The following HTT variants were observed in gnomAD, a reference collection of about 807,000 sequenced individuals.
HTT encodes huntington disease protein.
A neutral mutation model predicts 362.3 loss-of-function variants in HTT; 104 were observed. The observed-to-expected ratio is 0.29, with a 90% CI of 0.24 to 0.34. The LOEUF (loss-of-function observed/expected upper bound fraction) is 0.34, where lower values mean the gene tolerates loss of function less well. Among genes scored for constraint, HTT ranks in the 10% least tolerant of loss-of-function variants. The probability of loss-of-function intolerance (pLI) is 1.00; values close to 1 mark genes in which losing one functional copy is unlikely to be tolerated. For synonymous variants in HTT, 1,577 were observed against 1,548.7 expected (o/e 1.02, Z -0.43); for missense variants, 3,301 against 3,928.6 (o/e 0.84, Z 4.27).
At chr4:3,137,290 T>G (rs1578527624) in intron 21 of HTT, among the ~76,000 whole-genome samples, 1 of 152,240 alleles carries the variant, frequency 6.6e-6, no homozygotes, top group Non-Finnish European at 1.5e-5. Context: ...TTTGAGTGTA[T>G]AGTAAACTCC....
In HTT at chr4:3,115,377, C is replaced by T. The variant is rs1310984579; in HGVS notation, c.821C>T (p.Ala274Val). The change falls in exon 7 of 67, where the codon GCA (alanine) becomes GTA (valine). Residue 274 changes from alanine (A) to valine (V), a missense_variant. Around this residue, in one of 4 missense-constraint regions of HTT, gnomAD observed 2,316 missense variants for 2,658.5 expected, o/e 0.87. Transcript: ENST00000355072. ...ATTCGGCGGACAGCGGCTGGATCAG[C>T]AGTGAGCATCTGCCAGCACTCAAGA... ...PTIRRTAAGS[A>V]VSICQHSRRT... 5 of 1,613,728 alleles carry T rather than the reference C, an allele frequency of 3.1e-6. No individual in the cohort carries two copies. Among genetic ancestry groups the T allele is most frequent in the Non-Finnish European group, 3.4e-6 (4 of 1,179,708 alleles).
chr4:3,205,566 A>G (rs1399934610), intron 42 of HTT, among the ~76,000 whole-genome samples: 1 of 152,226 alleles, frequency 6.6e-6, no homozygotes, highest in African/African-American at 2.4e-5. Flanking sequence ...ATAAAGTTTG[A>G]TCATCCCAAA....
chr4:3,238,427 A>T lies in HTT; in HGVS notation c.8892-20A>T, dbSNP rs779969719. On this transcript the variant is annotated intron_variant, in intron 64 of 66. Coordinates refer to ENST00000355072, the MANE Select transcript of HTT (RefSeq NM_001388492.1). ...CTGTGGGAGCTGGTGCCAGTCTCTG[A>T]CCTGCGTCCCTCCTCCCAGGATCAG... 69 of 1,594,058 alleles carry T rather than the reference A, an allele frequency of 4.3e-5. No individual in the cohort carries two copies. The highest frequency in any genetic ancestry group is 5.7e-5 in the Non-Finnish European group (67 of 1,168,236).
At chr4:3,174,478 T>C (rs1180393362) in intron 31 of HTT, among the ~76,000 whole-genome samples, 1 of 152,184 alleles carries the variant, frequency 6.6e-6, no homozygotes, top group Admixed American at 6.5e-5. Flanking sequence ...AGCTCAGACT[T>C]GAGTAGCCTT....
intron 6 of HTT, among the ~76,000 whole-genome samples, chr4:3,108,952 A>C (rs1340310085): frequency 6.6e-6 from 1 of 152,006 alleles, no homozygotes; most frequent in Non-Finnish European, 1.5e-5. Flanking sequence ...GGAGGCTGAG[A>C]CAGGAGGCTC....
chr4:3,208,697 T>C, intron 45 of HTT, 76 bp from the exon 46 acceptor site: 2 of 1,338,702 alleles, frequency 1.5e-6, no homozygotes, highest in South Asian at 1.5e-5. Context: ...AGAATCCTAG[T>C]GTGCAGAGTT....
chr4:3,180,984 C>T (rs558455759), intron 36 of HTT, among the ~76,000 whole-genome samples: 2 of 151,662 alleles, frequency 1.3e-5, no homozygotes, highest in African/African-American at 4.8e-5. Flanking sequence ...TTAAGCAATT[C>T]TCCTGCCTCC....
rs925357780 is a variant in HTT, at chr4:3,201,529, CAAAAAAAAAA to C, written c.5576+1605_5576+1614del. 2.4e-4 allele frequency among the ~76,000 whole-genome samples: 15 copies of C among 61,690 alleles called. No homozygotes were observed. In the South Asian group the frequency reaches 5.3e-3, roughly 22 times the overall value. 40.5% of individuals were successfully genotyped at this position (61,690 alleles called of 152,430 possible). On this transcript the variant is annotated intron_variant, in intron 41 of 66. Coordinates refer to ENST00000355072, the MANE Select transcript of HTT (RefSeq NM_001388492.1). ...TGGGTGACAGAGTGAGACTCCATCTCAAAAAAAAAAAAAAAAAAAAAAAATTAATGGATCA... is the reference window on the plus strand; with the variant it reads ...TGGGTGACAGAGTGAGACTCCATCTCAAAAAAAAAAAAAATTAATGGATCA...
chr4:3,161,212 G>A (rs1717424799), intron 29 of HTT, among the ~76,000 whole-genome samples: 1 of 152,094 alleles, frequency 6.6e-6, no homozygotes, highest in Non-Finnish European at 1.5e-5. Flanking sequence ...GAGAATGATG[G>A]TTTCCAGCAT....
Position 3,136,279 on chromosome 4 carries a change from A to C in HTT, c.2751A>C (p.Gly917=). The change falls in exon 21 of 67, where the codon GGA becomes GGC. Residue 917 remains glycine (G), a synonymous_variant. Coordinates refer to ENST00000355072, the MANE Select transcript of HTT (RefSeq NM_001388492.1). The part of the protein sequence containing the change: ...VLNNVVIHLL[G]DEDPRVRHVA... ...ATAATGTTGTCATCCATTTGCTTGG[A>C]GATGAAGACCCCAGGGTGCGACATG... 3.7e-6 allele frequency: 6 copies of C among 1,612,564 alleles called. No homozygotes were observed. The highest frequency in any genetic ancestry group is 5.1e-6 in the Non-Finnish European group (6 of 1,178,656).
intron 18 of HTT, 26 bp from the exon 19 acceptor site, chr4:3,134,375 C>T: frequency 6.2e-7 from 1 of 1,606,880 alleles, no homozygotes; most frequent in Non-Finnish European, 8.5e-7. Flanking sequence ...ACCTGCTGTC[C>T]TCTTGCCTTG....
intron 5 of HTT, among the ~76,000 whole-genome samples, chr4:3,105,662 T>G (rs1050355363): frequency 1.3e-5 from 2 of 152,238 alleles, no homozygotes; most frequent in African/African-American, 4.8e-5. Context: ...CGCAAGAGAC[T>G]TATGGGATGT....
intron 28 of HTT, 87 bp downstream of exon 28, chr4:3,157,286 A>T (rs201304781): frequency 1.6e-6 from 2 of 1,267,952 alleles, no homozygotes; most frequent in African/African-American, 3.0e-5. Context: ...GATTTGTAGG[A>T]TGTATAAGCC....
chr4:3,230,430 A>G (rs1721195862), intron 60 of HTT, among the ~76,000 whole-genome samples: 1 of 151,974 alleles, frequency 6.6e-6, no homozygotes, highest in Non-Finnish European at 1.5e-5. Flanking sequence ...TCCCCTTCTC[A>G]GTTATGTTCC....
In HTT at chr4:3,179,823, C is replaced by T. The variant is rs977028942; in HGVS notation, c.4613-692C>T. On this transcript the variant is annotated intron_variant, in intron 35 of 66. Coordinates refer to ENST00000355072, the MANE Select transcript of HTT (RefSeq NM_001388492.1). ...CTCTGTGTGTGTGCTCATGTGTGAG[C>T]GTATGTGTCACTGAGGGGGTCAGAG... is the stretch of plus-strand genomic sequence containing the variant. Among the ~76,000 whole-genome samples the T allele has an allele frequency of 2.5e-4, 34 of 133,700 alleles. 1 individual carries two copies. Among genetic ancestry groups the T allele is most frequent in the Non-Finnish European group, 2.0e-4 (13 of 64,238 alleles). The allele number at this position is 133,700 out of a possible 152,430, so 87.7% of individuals were successfully genotyped here.
Position 3,212,086 on chromosome 4 carries a change from A to G in HTT, c.6572A>G (p.Gln2191Arg), listed in dbSNP as rs1455250476. The change falls in exon 48 of 67, where the codon CAG becomes CGG. Residue 2191 changes from glutamine to arginine, a missense_variant. Physicochemically the swap from Gln to Arg is conservative, Grantham distance 43 (BLOSUM62 1). This residue lies in a region of HTT where 220 missense variants were observed against 218.5 expected (regional missense o/e 1.01). Transcript: ENST00000355072. ...CTCCCTGCTGTCCATCATGTCTTCC[A>G]GCCCGAGCTGCCTGCAGAGCCGGCG... Reference protein sequence around the residue: ...QQLPAVHHVFQPELPAEPAAY... With the variant: ...QQLPAVHHVFRPELPAEPAAY... The G allele has an allele frequency of 1.2e-6, 2 of 1,614,152 alleles. No individual in the cohort carries two copies. Among genetic ancestry groups the G allele is most frequent in the Non-Finnish European group, 1.7e-6 (2 of 1,179,958 alleles).
intron 23 of HTT, 34 bp downstream of exon 23, chr4:3,142,920 TGTAATA>T: frequency 6.3e-7 from 1 of 1,596,254 alleles, no homozygotes; most frequent in Non-Finnish European, 8.6e-7. Context: ...TTACTGACAT[TGTAATA>T]GTTTTTGGTA....
intron 2 of HTT, among the ~76,000 whole-genome samples, chr4:3,093,906 T>G (rs13103111): frequency 2.0e-4 from 1 of 5,122 alleles, no homozygotes. Flanking sequence ...TTTAAGTTGG[T>G]TTTTTTTTTT....
At chr4:3,238,420 GTC>G in intron 64 of HTT, 25 bp from the exon 65 acceptor site, 1 of 1,582,266 alleles carries the variant, frequency 6.3e-7, no homozygotes. Context: ...GCTGGTGCCA[GTC>G]TCTGACCTGC....
Sources: allele counts gnomAD v4.1 joint callset (sites outside exome capture counted in the v4.1 genomes callset), GRCh38; gene constraint gnomAD v4.1.1; regional missense constraint gnomAD v4.1.1; transcripts MANE v1.5; gene names NCBI Gene and HGNC (gene_info 2026-07-23, HGNC 2026-07-21).